C5: variants seen among roughly 807,000 people sequenced by gnomAD.
C5 encodes the protein C3 and PZP-like alpha-2-macroglobulin domain-containing protein 4.
C5 carries 140 observed loss-of-function variants against 218.8 expected under a neutral mutation model. The observed-to-expected ratio is 0.64, with a 90% confidence interval of 0.56 to 0.74. The LOEUF (loss-of-function observed/expected upper bound fraction) is 0.74. Ranked by LOEUF, C5 falls within the 30% of genes least tolerant of loss-of-function variation. C5 has a pLI of 0.00. For synonymous variants in C5, 614 were observed against 682.3 expected, an observed-to-expected ratio of 0.90 and a Z score of 1.56; for missense variants, 1,700 against 1,969.6, an observed-to-expected ratio of 0.86 and a Z score of 2.59.
chr9:121,069,525 A>T, the C5 span, among the ~76,000 whole-genome samples: 1 of 147,900 alleles, frequency 6.8e-6, no homozygotes, highest in East Asian at 2.0e-4. Context: ...AGAAAAAGAA[A>T]CTCTTTTTTT....
intron 3 of C5, among the ~76,000 whole-genome samples, chr9:121,040,327 G>C (rs2047566763): frequency 6.6e-6 from 1 of 152,182 alleles, no homozygotes; most frequent in Admixed American, 6.5e-5. Context: ...TGTCTATAGA[G>C]GGTGGGGCCG....
intron 16 of C5, among the ~76,000 whole-genome samples, chr9:121,014,785 T>C (rs1405523406): frequency 6.6e-6 from 1 of 152,148 alleles, no homozygotes; most frequent in Non-Finnish European, 1.5e-5. Context: ...AGATGTATTT[T>C]CCAAAGAACA....
chr9:121,024,945 G>A (rs1038571593), intron 9 of C5, among the ~76,000 whole-genome samples: 2 of 151,826 alleles, frequency 1.3e-5, no homozygotes, highest in Non-Finnish European at 2.9e-5. Context: ...ATAAGTTGAG[G>A]AAAAAATAAA....
At chr9:121,051,530 CT>C (rs1180659083), upstream of C5, among the ~76,000 whole-genome samples, 4 of 151,922 alleles carry the variant, frequency 2.6e-5, no homozygotes, top group East Asian at 7.7e-4. Flanking sequence ...ATAATATGTA[CT>C]CTTCTTTAAA....
intron 3 of C5, among the ~76,000 whole-genome samples, chr9:121,040,758 G>A (rs990222211): frequency 2.6e-5 from 4 of 152,088 alleles, no homozygotes; most frequent in African/African-American, 9.7e-5. Context: ...GAGGCTGAGT[G>A]ATTCACACAG....
intron 20 of C5, among the ~76,000 whole-genome samples, chr9:121,004,782 A>G (rs1280593732): frequency 6.6e-6 from 1 of 152,176 alleles, no homozygotes; most frequent in East Asian, 1.9e-4. Flanking sequence ...TGAAAAAAAA[A>G]GGCTTATTTG....
chr9:121,045,196 A>C (rs1037658542), intron 2 of C5, among the ~76,000 whole-genome samples: 11 of 152,122 alleles, frequency 7.2e-5, no homozygotes, highest in African/African-American at 2.7e-4. Context: ...ACTGCTAAGA[A>C]CATTAAAGAA....
At position 120,980,244 on chromosome 9, in the gene C5, G is replaced by A; in HGVS notation, c.3497C>T (p.Thr1166Ile). The change falls in exon 28 of 41, where the codon ACA (threonine) becomes ATA (isoleucine). Residue 1166 changes from threonine (T) to isoleucine (I), a missense_variant. Physicochemically the swap from Thr to Ile is moderately conservative, Grantham distance 89. Coordinates refer to ENST00000223642, the MANE Select transcript of C5 (RefSeq NM_001735.3). ...AAAGTTGTCAGCTTTAATTAGAGCT[G>A]TGTCGATTTTCTGGAAACAAGAGAA... ...FDICPLVKID[T>I]ALIKADNFLL... 1 of 1,614,104 alleles carries A rather than the reference G, an allele frequency of 6.2e-7. No individual in the cohort carries two copies. The highest frequency in any genetic ancestry group is 8.5e-7 in the Non-Finnish European group (1 of 1,179,952).
intron 22 of C5, among the ~76,000 whole-genome samples, chr9:120,995,820 C>CT (rs66652956): frequency 0.45 from 59,900 of 134,380 alleles, 15,387 homozygotes; most frequent in South Asian, 0.72. Context: ...GAAGTGGATA[C>CT]TTTTTTTTTT....
chr9:121,058,985 C>T, the C5 span, among the ~76,000 whole-genome samples: 124 of 152,238 alleles, frequency 8.1e-4, no homozygotes, highest in Admixed American at 2.2e-3. Context: ...GGAAGACAAA[C>T]TGAAAAGGTG....
intron 13 of C5, 45 bp from the exon 14 acceptor site, chr9:121,017,556 G>A: frequency 6.2e-7 from 1 of 1,608,194 alleles, no homozygotes; most frequent in East Asian, 2.2e-5. Flanking sequence ...ATTTGTATGA[G>A]ACAAGACTTT....
chr9:121,046,265 T>A lies in C5; in HGVS notation c.184A>T (p.Lys62Ter). The stretch of plus-strand genomic sequence containing the variant: ...TGGCCTGAGGAGTAACTAAATTTTT[T>A]ATCAGGATAACTTTTAATAGAGATT... The part of the protein sequence containing the change: ...ATISIKSYPD[K>*]KFSYSSGHVH... The change falls in exon 2 of 41, where the codon AAA becomes TAA. Residue 62 changes from lysine to a stop codon, truncating the protein, a stop_gained. Coordinates refer to ENST00000223642, the MANE Select transcript of C5 (RefSeq NM_001735.3). LOFTEE classifies it high-confidence loss of function. 6.2e-7 allele frequency: 1 copy of A among 1,609,188 alleles called. No individual in the cohort carries two copies. Among genetic ancestry groups the A allele is most frequent in the Non-Finnish European group, 8.5e-7 (1 of 1,176,144 alleles).
chr9:121,038,803 G>A (rs2047552278), intron 3 of C5, among the ~76,000 whole-genome samples: 1 of 152,124 alleles, frequency 6.6e-6, no homozygotes, highest in Non-Finnish European at 1.5e-5. Flanking sequence ...CTCTATATAA[G>A]AAGCCACATT....
At chr9:121,004,137 G>A (rs1231775082) in intron 20 of C5, among the ~76,000 whole-genome samples, 1 of 152,100 alleles carries the variant, frequency 6.6e-6, no homozygotes, top group Non-Finnish European at 1.5e-5. Context: ...CCAAAGTGCT[G>A]AGATTATAGG....
At chr9:121,007,471 C>T (rs1026674692) in intron 18 of C5, among the ~76,000 whole-genome samples, 23 of 152,168 alleles carry the variant, frequency 1.5e-4, no homozygotes, top group African/African-American at 5.6e-4. Context: ...AGGCAGTTTA[C>T]AATCTAGTGG....
the C5 span, among the ~76,000 whole-genome samples, chr9:121,069,963 T>C: frequency 6.6e-6 from 1 of 152,064 alleles, no homozygotes; most frequent in Non-Finnish European, 1.5e-5. Flanking sequence ...GGAAAAGAAA[T>C]CAGTATATCA....
intron 25 of C5, among the ~76,000 whole-genome samples, chr9:120,984,825 G>A (rs1037907134): frequency 3.5e-5 from 5 of 144,078 alleles, no homozygotes; most frequent in Admixed American, 7.4e-5. Context: ...AGGTTCAAGC[G>A]ATTCTCCTGC....
At chr9:120,970,499 A>T (rs953513643) in intron 31 of C5, among the ~76,000 whole-genome samples, 1 of 152,220 alleles carries the variant, frequency 6.6e-6, no homozygotes, top group Non-Finnish European at 1.5e-5. Context: ...TCTAAATTCC[A>T]TGCAGTCAAA....
chr9:120,988,424 A>G (rs1278063264), intron 25 of C5, among the ~76,000 whole-genome samples: 1 of 152,188 alleles, frequency 6.6e-6, no homozygotes, highest in Non-Finnish European at 1.5e-5. Flanking sequence ...CATTTGGTAA[A>G]GACCTGAGGG....
Sources: gnomAD v4.1 joint callset for allele counts (sites outside exome capture counted in the v4.1 genomes callset) on GRCh38, gnomAD v4.1.1 for gene constraint, MANE v1.5 for transcripts, NCBI Gene and HGNC (gene_info 2026-07-23, HGNC 2026-07-21) for gene names.